MARCHF6: variants seen among roughly 807,000 people sequenced by gnomAD.
MARCHF6 encodes the protein E3 ubiquitin-protein ligase MARCHF6.
In MARCHF6, 31 loss-of-function variants were observed where a neutral mutation model predicts 133.7. The observed-to-expected ratio is 0.23, with a 90% CI of 0.17 to 0.31. The LOEUF (loss-of-function observed/expected upper bound fraction) is 0.31, where lower values mean the gene tolerates loss of function less well. MARCHF6 is among the 10% of genes least tolerant of loss of function. The pLI is 1.00. For synonymous variants in MARCHF6, 395 were observed against 402.5 expected (o/e 0.98, Z 0.22); for missense variants, 723 against 1,121.6 (o/e 0.64, Z 5.08).
chr5:10,404,168 A>G (rs1459477648), intron 15 of MARCHF6, among the ~76,000 whole-genome samples: 1 of 151,874 alleles, frequency 6.6e-6, no homozygotes, highest in South Asian at 2.1e-4. Flanking sequence ...CCCAAGTTCA[A>G]GTGATTCTCC....
intron 23 of MARCHF6, 90 bp from the exon 24 acceptor site, chr5:10,426,300 T>TTGGCAGATTCAGTTGTGTGG: frequency 1.8e-5 from 26 of 1,433,914 alleles, no homozygotes; most frequent in Non-Finnish European, 2.4e-5. Flanking sequence ...TATTTTTGGG[T>TTGGCAGATTCAGTTGTGTGG]TGGCAGATTC....
rs146068061 is a variant in MARCHF6 at position 10,434,819 on chromosome 5, A to G, written c.*1135A>G. ...TTTTTGTTTACAGAATAAAACTTCAAATAAAACCAATTCATTATTTGTCCA... is the reference window on the plus strand; with the variant it reads ...TTTTTGTTTACAGAATAAAACTTCAGATAAAACCAATTCATTATTTGTCCA... On this transcript the variant is annotated 3_prime_UTR_variant, in exon 26 of 26. Coordinates refer to ENST00000274140, the MANE Select transcript of MARCHF6 (RefSeq NM_005885.4). The G allele has an allele frequency of 6.5e-6, 1 of 152,762 alleles. No homozygotes were observed. Among genetic ancestry groups the G allele is most frequent in the South Asian group, 2.1e-4 (1 of 4,824 alleles). The allele number at this position is 152,762 out of a possible 1,614,324, so 9.5% of individuals were successfully genotyped here.
intron 1 of MARCHF6, among the ~76,000 whole-genome samples, chr5:10,371,046 G>A (rs185733512): frequency 6.6e-6 from 1 of 152,298 alleles, no homozygotes; most frequent in Admixed American, 6.5e-5. Context: ...TCTTGGAATT[G>A]GGAGCTAGTT....
chr5:10,410,520 T>C (rs1739159326), intron 18 of MARCHF6, among the ~76,000 whole-genome samples: 1 of 152,134 alleles, frequency 6.6e-6, no homozygotes, highest in Admixed American at 6.5e-5. Flanking sequence ...TGGTCCAGCT[T>C]TCATGGAGTA....
At chr5:10,412,723 A>G (rs1009077118) in intron 19 of MARCHF6, among the ~76,000 whole-genome samples, 3 of 152,094 alleles carry the variant, frequency 2.0e-5, no homozygotes, top group African/African-American at 7.2e-5. Flanking sequence ...CCATGGGTGC[A>G]TGCCACTACA....
At chr5:10,368,192 T>C (rs1335474277) in intron 1 of MARCHF6, among the ~76,000 whole-genome samples, 1 of 152,202 alleles carries the variant, frequency 6.6e-6, no homozygotes, top group Non-Finnish European at 1.5e-5. Flanking sequence ...AACAGGCTAT[T>C]CTTTTTTTGA....
chr5:10,376,861 C>T (rs578146040), intron 1 of MARCHF6, among the ~76,000 whole-genome samples: 6 of 152,218 alleles, frequency 3.9e-5, no homozygotes, highest in Admixed American at 2.0e-4. Flanking sequence ...AGTAAGTCGT[C>T]GTTAAGGAAG....
Position 10,402,155 on chromosome 5 carries a change from C to T in MARCHF6, c.1053+16C>T. The T allele has an allele frequency of 6.8e-7, 1 of 1,475,914 alleles. No homozygotes were observed. Among genetic ancestry groups the T allele is most frequent in the Non-Finnish European group, 9.4e-7 (1 of 1,059,076 alleles). The allele number at this position is 1,475,914 out of a possible 1,614,324, so 91.4% of individuals were successfully genotyped here. ...AATTTGTCATGTATCCTTTAATGAA[C>T]CAACTTGGGTGTACACTAATATTAT... On this transcript the variant is annotated intron_variant, in intron 12 of 25. Coordinates refer to ENST00000274140, the MANE Select transcript of MARCHF6 (RefSeq NM_005885.4).
Position 10,417,351 on chromosome 5 carries a change from G to A in MARCHF6, c.2230G>A (p.Val744Met). 1 of 1,614,156 alleles carries A rather than the reference G, an allele frequency of 6.2e-7. No individual in the cohort carries two copies. The highest frequency in any genetic ancestry group is 8.5e-7 in the Non-Finnish European group (1 of 1,180,028). ...GGGGCTCCTGTTTGAGCTGGTCATT[G>A]TGGCTCCCCTGAGGGTTCCCTTGGA... The part of the protein sequence containing the change: ...LLGLLFELVI[V>M]APLRVPLDQT... The change falls in exon 22 of 26, where the codon GTG becomes ATG. Residue 744 changes from valine (V) to methionine (M), a missense_variant. Val to Met is a conservative substitution (Grantham distance 21). Around this residue, in one of 4 missense-constraint regions of MARCHF6, gnomAD observed 492 missense variants for 699.5 expected, o/e 0.70. Transcript: ENST00000274140.
intron 1 of MARCHF6, among the ~76,000 whole-genome samples, chr5:10,376,938 C>T (rs1012891643): frequency 6.6e-6 from 1 of 152,136 alleles, no homozygotes; most frequent in African/African-American, 2.4e-5. Flanking sequence ...TCCGATAGGC[C>T]ACTAGGGATT....
chr5:10,402,751 A>G (rs1007381071), intron 14 of MARCHF6, 144 bp downstream of exon 14: 3 of 754,774 alleles, frequency 4.0e-6, no homozygotes, highest in Admixed American at 2.7e-5. Context: ...TAGGATCTTA[A>G]TGTTAATTTT....
At chr5:10,405,359 A>G (rs1738819920) in intron 15 of MARCHF6, among the ~76,000 whole-genome samples, 199 bp from the exon 16 acceptor site, 1 of 152,010 alleles carries the variant, frequency 6.6e-6, no homozygotes, top group Non-Finnish European at 1.5e-5. Context: ...ATGTCAAAGG[A>G]CATCATCAGA....
rs144950045 is a variant in MARCHF6, at chr5:10,439,679, T to A, written c.*5995T>A. The A allele has an allele frequency of 2.2e-3, 337 of 152,406 alleles. 1 individual carries two copies. The highest frequency in any genetic ancestry group is 7.7e-3 in the African/African-American group (321 of 41,594). 9.4% of individuals were successfully genotyped at this position (152,406 alleles called of 1,614,324 possible). A position where few individuals can be genotyped will look rare whatever the true frequency, so the allele number is the denominator to read the frequency against. On this transcript the variant is annotated 3_prime_UTR_variant, in exon 26 of 26. Coordinates refer to ENST00000274140, the MANE Select transcript of MARCHF6 (RefSeq NM_005885.4). The stretch of plus-strand genomic sequence containing the variant: ...TCTCCTTTTCCATTTGTTTTCAACA[T>A]TGAATCCAGAATGTTCTTCTTGAGA...
chr5:10,383,387 A>G (rs1222808631), intron 4 of MARCHF6, among the ~76,000 whole-genome samples: 1 of 152,232 alleles, frequency 6.6e-6, no homozygotes, highest in East Asian at 1.9e-4. Context: ...ATGGTAAAGG[A>G]AAAGTCTCAT....
At chr5:10,420,796 GT>G (rs1739785639) in intron 22 of MARCHF6, among the ~76,000 whole-genome samples, 1 of 152,154 alleles carries the variant, frequency 6.6e-6, no homozygotes, top group South Asian at 2.1e-4. Context: ...AACATGATTG[GT>G]TACTGCCTCA....
intron 1 of MARCHF6, among the ~76,000 whole-genome samples, chr5:10,372,304 T>C (rs1390077457): frequency 6.6e-6 from 1 of 152,204 alleles, no homozygotes; most frequent in African/African-American, 2.4e-5. Flanking sequence ...TGTGTACTAT[T>C]GTTAGTGGAT....
chr5:10,374,904 C>T (rs1278042035), intron 1 of MARCHF6, among the ~76,000 whole-genome samples: 1 of 152,228 alleles, frequency 6.6e-6, no homozygotes, highest in Non-Finnish European at 1.5e-5. Flanking sequence ...GCTTCCAGCA[C>T]AGACAGGATT....
rs572195841 is a variant in MARCHF6 at position 10,403,576 on chromosome 5, T to G, written c.1332+35T>G. On this transcript the variant is annotated intron_variant, in intron 15 of 25. Transcript: ENST00000274140. ...CAGGGAAATGCTGATGCTGTACATT[T>G]ATAAAAAGGACTTTTGCTTTCACCA... 7 of 1,568,830 alleles carry G rather than the reference T, an allele frequency of 4.5e-6. No individual in the cohort carries two copies. In the African/African-American group the frequency reaches 9.6e-5, roughly 21 times the overall value.
chr5:10,429,394 C>G (rs1740254301), intron 24 of MARCHF6, among the ~76,000 whole-genome samples: 1 of 144,716 alleles, frequency 6.9e-6, no homozygotes, highest in Non-Finnish European at 1.5e-5. Context: ...TCGTCCAGTT[C>G]CTTTTTTTTT....
Sources: allele counts gnomAD v4.1 joint callset (sites outside exome capture counted in the v4.1 genomes callset), GRCh38; gene constraint gnomAD v4.1.1; regional missense constraint gnomAD v4.1.1; transcripts MANE v1.5; gene names NCBI Gene and HGNC (gene_info 2026-07-23, HGNC 2026-07-21).